ARHGEF3: variants seen among roughly 807,000 people sequenced by gnomAD.
ARHGEF3 encodes Rho guanine nucleotide exchange factor 3.
A neutral mutation model predicts 63.2 loss-of-function variants in ARHGEF3; 28 were observed. That is an observed-to-expected ratio of 0.44 (90% CI 0.33 to 0.61). ARHGEF3 has a LOEUF of 0.61. Among genes scored for constraint, ARHGEF3 ranks in the 20% least tolerant of loss-of-function variants. The probability of loss-of-function intolerance (pLI) is 0.03; values close to 1 mark genes in which losing one functional copy is unlikely to be tolerated. For missense variants in ARHGEF3, 533 were observed against 659.3 expected (o/e 0.81, Z 2.10); for synonymous variants, 266 against 254.2 (o/e 1.05, Z -0.44).
At chr3:56,965,645 CTTT>C (rs759458048) in intron 2 of ARHGEF3, among the ~76,000 whole-genome samples, 3 of 133,360 alleles carry the variant, frequency 2.2e-5, no homozygotes, top group African/African-American at 2.9e-5. Context: ...AAACTACATT[CTTT>C]TTTTTTTTTT....
intron 2 of ARHGEF3, among the ~76,000 whole-genome samples, chr3:56,970,940 C>T (rs1379689663): frequency 6.6e-6 from 1 of 152,164 alleles, no homozygotes; most frequent in Non-Finnish European, 1.5e-5. Flanking sequence ...ACCCCCCTCT[C>T]ACAGGGCTGT....
chr3:57,078,174 A>T lies in ARHGEF3; in HGVS notation c.-28+1052T>A, dbSNP rs529697007. Among the ~76,000 whole-genome samples the T allele has an allele frequency of 2.6e-5, 4 of 152,342 alleles. No individual in the cohort carries two copies. In the South Asian group the frequency reaches 8.3e-4, roughly 32 times the overall value. On this transcript the variant is annotated intron_variant, in intron 1 of 12. Transcript: ENST00000338458. ...CAGATGAGAAAACTGAGGCATAGGT[A>T]AGCGAAGTAACTTGCCTAGGACTAC...
intron 4 of ARHGEF3, among the ~76,000 whole-genome samples, chr3:56,814,387 C>T (rs1207021104): frequency 1.3e-5 from 2 of 152,084 alleles, no homozygotes; most frequent in Non-Finnish European, 2.9e-5. Context: ...CTGTGGCCCA[C>T]GGAAGCCAAA....
At chr3:56,873,082 T>C (rs1328104845) in intron 4 of ARHGEF3, among the ~76,000 whole-genome samples, 1 of 152,174 alleles carries the variant, frequency 6.6e-6, no homozygotes, top group Non-Finnish European at 1.5e-5. Context: ...CACTGCAGTC[T>C]CTGCCTCCTG....
chr3:56,854,015 G>A (rs750921733), intron 4 of ARHGEF3, among the ~76,000 whole-genome samples: 14 of 152,254 alleles, frequency 9.2e-5, no homozygotes, highest in Non-Finnish European at 1.6e-4. Flanking sequence ...CTAACACGGT[G>A]AAACCCCGTC....
chr3:56,960,501 C>CT (rs892302822), intron 2 of ARHGEF3: 1 of 152,234 alleles, frequency 6.6e-6, no homozygotes, highest in African/African-American at 2.4e-5. Flanking sequence ...GATGAGGACT[C>CT]TAACTCTGGT....
chr3:56,953,362 G>A (rs1699898916), intron 3 of ARHGEF3, among the ~76,000 whole-genome samples: 1 of 152,226 alleles, frequency 6.6e-6, no homozygotes, highest in Non-Finnish European at 1.5e-5. Context: ...ATGGGTCAAG[G>A]CAGTGTGGAG....
intron 1 of ARHGEF3, among the ~76,000 whole-genome samples, chr3:56,781,673 G>T (rs991636717): frequency 1.3e-5 from 2 of 152,186 alleles, no homozygotes; most frequent in African/African-American, 2.4e-5. Context: ...GGTGTCTGCT[G>T]GATTTCTCCA....
At chr3:57,041,709 T>C (rs1704193012) in intron 1 of ARHGEF3, among the ~76,000 whole-genome samples, 1 of 152,218 alleles carries the variant, frequency 6.6e-6, no homozygotes, top group African/African-American at 2.4e-5. Flanking sequence ...CACAGCTTTA[T>C]AAACTTTTAT....
At chr3:57,008,254 A>C (rs1702544333) in intron 2 of ARHGEF3, among the ~76,000 whole-genome samples, 1 of 152,174 alleles carries the variant, frequency 6.6e-6, no homozygotes, top group Non-Finnish European at 1.5e-5. Flanking sequence ...CCTTGTCTGG[A>C]AACGTGTGAG....
chr3:56,971,319 G>A (rs1228871899), intron 2 of ARHGEF3, among the ~76,000 whole-genome samples: 1 of 152,144 alleles, frequency 6.6e-6, no homozygotes, highest in Non-Finnish European at 1.5e-5. Flanking sequence ...CTGACATGGG[G>A]CTGTGGATCT....
intron 1 of ARHGEF3, among the ~76,000 whole-genome samples, chr3:57,057,778 T>C (rs751767175): frequency 2.6e-5 from 4 of 152,226 alleles, no homozygotes; most frequent in Non-Finnish European, 5.9e-5. Context: ...CCAGCCATCG[T>C]ATCACTTGAT....
chr3:56,755,845 G>C (rs1239630560), intron 2 of ARHGEF3, among the ~76,000 whole-genome samples: 1 of 152,192 alleles, frequency 6.6e-6, no homozygotes, highest in African/African-American at 2.4e-5. Context: ...GACCCAGAAT[G>C]AAGGATGGAG....
In ARHGEF3 at chr3:56,997,610, A is replaced by G. The variant is rs1193927593; in HGVS notation, c.62+37478T>C. Reference sequence around the variant, plus strand: ...AGATCTACCCCGGGCAGGTTGTCACAGGAACTCAGAGGAGCTGTTTGTGGG... The same window carrying G: ...AGATCTACCCCGGGCAGGTTGTCACGGGAACTCAGAGGAGCTGTTTGTGGG... On this transcript the variant is annotated intron_variant, in intron 2 of 12. Coordinates refer to the ARHGEF3 transcript ENST00000338458. Among the ~76,000 whole-genome samples, 10 of 152,344 alleles carry G rather than the reference A, an allele frequency of 6.6e-5. No homozygotes were observed. In the South Asian group the frequency reaches 1.2e-3, roughly 19 times the overall value.
At chr3:56,895,801 T>C (rs956652436) in intron 3 of ARHGEF3, among the ~76,000 whole-genome samples, 1 of 152,168 alleles carries the variant, frequency 6.6e-6, no homozygotes, top group Non-Finnish European at 1.5e-5. Context: ...GTATTCATTA[T>C]TATGCAGTTA....
intron 8 of ARHGEF3, among the ~76,000 whole-genome samples, chr3:56,733,923 G>T (rs2033404129): frequency 6.8e-6 from 1 of 146,388 alleles, no homozygotes; most frequent in Non-Finnish European, 1.5e-5. Flanking sequence ...GGTGGAGGTT[G>T]CAGTGAGCTG....
At position 56,919,945 on chromosome 3, in the gene ARHGEF3, C is replaced by T. The variant is rs377589786; in HGVS notation, c.130-37591G>A. Reference sequence around the variant, plus strand: ...AGCATACAGCCCTCAGAAGACACAGCGAGAAACCTGCTCTGGGATATTCAA... The same window carrying T: ...AGCATACAGCCCTCAGAAGACACAGTGAGAAACCTGCTCTGGGATATTCAA... On this transcript the variant is annotated intron_variant, in intron 3 of 12. Transcript: ENST00000338458. Among the ~76,000 whole-genome samples the T allele has an allele frequency of 4.6e-4, 70 of 152,278 alleles. 4 individuals carry two copies. In the South Asian group the frequency reaches 0.012, roughly 26 times the overall value.
Position 57,068,021 on chromosome 3 carries a change from A to C in ARHGEF3, c.-28+11205T>G, listed in dbSNP as rs931816188. On this transcript the variant is annotated intron_variant, in intron 1 of 12. Transcript: ENST00000338458. ...AACAAAAACAAACAAACAACAACAA[A>C]AAATTAGCCGGTGTGGTGGCATGCA... Among the ~76,000 whole-genome samples the C allele has an allele frequency of 2.6e-5, 4 of 152,046 alleles. No individual in the cohort carries two copies. The South Asian group carries it at 8.3e-4, about 32-fold the overall frequency.
At chr3:56,743,103 G>A (rs910542322) in intron 7 of ARHGEF3, among the ~76,000 whole-genome samples, 6 of 152,076 alleles carry the variant, frequency 3.9e-5, no homozygotes, top group African/African-American at 4.8e-5. Context: ...CAACTCTATC[G>A]CACTCTTCCC....
Sources: allele counts gnomAD v4.1 joint callset (sites outside exome capture counted in the v4.1 genomes callset), GRCh38; gene constraint gnomAD v4.1.1; transcripts MANE v1.5; gene names NCBI Gene and HGNC (gene_info 2026-07-23, HGNC 2026-07-21).